STX8: variants seen among roughly 807,000 people sequenced by gnomAD.
STX8 encodes the protein syntaxin-8.
STX8 carries 23 observed loss-of-function variants against 37.5 expected under a neutral mutation model. That is an observed-to-expected ratio of 0.61 (90% CI 0.44 to 0.87). The LOEUF is 0.87. Ranked by LOEUF, STX8 falls within the 40% of genes least tolerant of loss-of-function variation. STX8 has a pLI of 0.00. For missense variants in STX8, 313 were observed against 284.7 expected, an observed-to-expected ratio of 1.10 and a Z score of -0.71; for synonymous variants, 115 against 99.1, an observed-to-expected ratio of 1.16 and a Z score of -0.95.
intron 7 of STX8, among the ~76,000 whole-genome samples, chr17:9,255,139 TG>T (rs1199861641): frequency 3.3e-5 from 5 of 152,074 alleles, no homozygotes. Flanking sequence ...ATTAATACAG[TG>T]GTGGCTAAGC....
intron 3 of STX8, among the ~76,000 whole-genome samples, chr17:9,546,779 G>C (rs1236991172): frequency 1.3e-5 from 2 of 149,844 alleles, no homozygotes; most frequent in African/African-American, 4.9e-5. Flanking sequence ...TTGTATTTTT[G>C]GTAGAGACAG....
chr17:9,376,429 C>T lies in STX8; in HGVS notation c.643+2123G>A, dbSNP rs370923838. On this transcript the variant is annotated intron_variant, in intron 7 of 7. Transcript: ENST00000306357. ...CTGTAAAAATAGACCAATCAGCACT[C>T]TGTAAAATGGACCAATCAGCACTCT... is the stretch of plus-strand genomic sequence containing the variant. Among the ~76,000 whole-genome samples, 4 of 141,908 alleles carry T rather than the reference C, an allele frequency of 2.8e-5. No individual in the cohort carries two copies. In the East Asian group the frequency reaches 7.7e-4, roughly 27 times the overall value. 93.1% of individuals were successfully genotyped at this position (141,908 alleles called of 152,430 possible). A position where few individuals can be genotyped will look rare whatever the true frequency, so the allele number is the denominator to read the frequency against.
At chr17:9,446,026 C>T (rs760327661) in intron 6 of STX8, among the ~76,000 whole-genome samples, 14 of 151,838 alleles carry the variant, frequency 9.2e-5, no homozygotes, top group Admixed American at 3.3e-4. Context: ...TTAGTAGAGA[C>T]GGGGTTTCAC....
chr17:9,425,553 G>A (rs146504992), intron 6 of STX8, among the ~76,000 whole-genome samples: 350 of 152,148 alleles, frequency 2.3e-3, no homozygotes, highest in African/African-American at 8.0e-3. Flanking sequence ...AGCACGACAC[G>A]GACTTTAAAT....
intron 7 of STX8, among the ~76,000 whole-genome samples, chr17:9,370,663 T>C (rs1911374764): frequency 6.6e-6 from 1 of 152,120 alleles, no homozygotes; most frequent in African/African-American, 2.4e-5. Context: ...TACGTAATAG[T>C]CAATATGCTG....
chr17:9,524,174 G>A (rs1905469206), intron 4 of STX8, among the ~76,000 whole-genome samples: 1 of 152,178 alleles, frequency 6.6e-6, no homozygotes, highest in South Asian at 2.1e-4. Flanking sequence ...GATTCAAGAA[G>A]ATACACAAGG....
chr17:9,314,109 T>C lies in STX8; in HGVS notation c.644-63464A>G, dbSNP rs532933195. 7.9e-5 allele frequency among the ~76,000 whole-genome samples: 12 copies of C among 152,354 alleles called. No individual in the cohort carries two copies. In the South Asian group the frequency reaches 2.5e-3, roughly 32 times the overall value. ...TTCTAAGGCAGTGTATATGATCTAC[T>C]GACTTCTGTATTTTTTTCCCAGCAA... is the stretch of plus-strand genomic sequence containing the variant. On this transcript the variant is annotated intron_variant, in intron 7 of 7. Coordinates refer to ENST00000306357, the MANE Select transcript of STX8 (RefSeq NM_004853.3).
chr17:9,526,666 T>C (rs945411490), intron 4 of STX8, among the ~76,000 whole-genome samples: 3 of 152,046 alleles, frequency 2.0e-5, no homozygotes, highest in African/African-American at 7.2e-5. Flanking sequence ...GGTCAGGAAA[T>C]CAAGAACAGC....
chr17:9,365,738 C>T (rs1266386325), intron 7 of STX8, among the ~76,000 whole-genome samples: 1 of 152,212 alleles, frequency 6.6e-6, no homozygotes, highest in Non-Finnish European at 1.5e-5. Context: ...CTTCGGGAGG[C>T]CGAGGTGGGC....
chr17:9,328,859 G>A (rs558321067), intron 7 of STX8, among the ~76,000 whole-genome samples: 234 of 152,050 alleles, frequency 1.5e-3, no homozygotes, highest in Middle Eastern at 3.4e-3. Context: ...AGACCAGCCT[G>A]GCCAACATGG....
intron 7 of STX8, among the ~76,000 whole-genome samples, chr17:9,318,098 A>G (rs183372434): frequency 4.2e-4 from 64 of 152,354 alleles, no homozygotes; most frequent in Non-Finnish European, 6.8e-4. Flanking sequence ...AAGCAAATAG[A>G]AAAACTGACT....
chr17:9,377,875 A>G (rs918015682), intron 7 of STX8: 1 of 152,258 alleles, frequency 6.6e-6, no homozygotes, highest in Non-Finnish European at 1.5e-5. Flanking sequence ...ATCATTTATC[A>G]TCACGTACCT....
At chr17:9,523,856 T>G (rs530343139) in intron 4 of STX8, among the ~76,000 whole-genome samples, 1 of 152,208 alleles carries the variant, frequency 6.6e-6, no homozygotes, top group Non-Finnish European at 1.5e-5. Flanking sequence ...GCAGCTGATA[T>G]ACAAAAATCC....
intron 4 of STX8, among the ~76,000 whole-genome samples, chr17:9,526,428 C>T (rs1182165170): frequency 1.3e-5 from 2 of 152,142 alleles, no homozygotes; most frequent in African/African-American, 4.8e-5. Context: ...GTCCTGGAAC[C>T]AACACTCATG....
At chr17:9,528,042 A>G (rs531923668) in intron 4 of STX8, among the ~76,000 whole-genome samples, 42 of 152,376 alleles carry the variant, frequency 2.8e-4, no homozygotes, top group African/African-American at 9.9e-4. Flanking sequence ...TGTCAGACAC[A>G]TCAACTTGGA....
In STX8 at chr17:9,545,289, A is replaced by G; in HGVS notation, c.213-7T>C. 6.2e-7 allele frequency: 1 copy of G among 1,600,688 alleles called. No homozygotes were observed. ...GTCCCCTTCAAGCTGTGTTCTGCAGATATCTTGTTAAGGTTCAATGGTGAA... is the reference window on the plus strand; with the variant it reads ...GTCCCCTTCAAGCTGTGTTCTGCAGGTATCTTGTTAAGGTTCAATGGTGAA... On this transcript the variant is annotated splice_polypyrimidine_tract_variant and splice_region_variant and intron_variant, in intron 3 of 7. Transcript: ENST00000306357.
chr17:9,258,943 G>T (rs919652520), intron 7 of STX8, among the ~76,000 whole-genome samples: 1 of 152,220 alleles, frequency 6.6e-6, no homozygotes, highest in Non-Finnish European at 1.5e-5. Context: ...CAGCCAGCTT[G>T]TCCTGGAATC....
rs114553922 is a variant in STX8 at position 9,310,207 on chromosome 17, C to T, written c.644-59562G>A. ...AACAGGCACCCTGATAACCAAAATC[C>T]TAATAAGAGAACTTCGTGGTGGAGA... is the stretch of plus-strand genomic sequence containing the variant. On this transcript the variant is annotated intron_variant, in intron 7 of 7. Coordinates refer to ENST00000306357, the MANE Select transcript of STX8 (RefSeq NM_004853.3). Among the ~76,000 whole-genome samples, 974 of 152,180 alleles carry T rather than the reference C, an allele frequency of 6.4e-3. 15 individuals are homozygous for T. Among genetic ancestry groups the T allele is most frequent in the African/African-American group, 0.022 (907 of 41,508 alleles).
At position 9,507,755 on chromosome 17, in the gene STX8, GCCA is replaced by G. The variant is rs1013119196; in HGVS notation, c.324-2596_324-2594del. On this transcript the variant is annotated intron_variant, in intron 4 of 7. Coordinates refer to ENST00000306357, the MANE Select transcript of STX8 (RefSeq NM_004853.3). This position sits in a 1 kb window ranked among gnomAD's most constrained non-coding sequence, Gnocchi z 4.0. ...GTGAACACATCCCTGGCAAAGTCAT[GCCA>G]CCACCACCACAAAGCCTCTCAGCTG... Among the ~76,000 whole-genome samples the G allele has an allele frequency of 1.3e-5, 2 of 152,138 alleles. No individual in the cohort carries two copies. The highest frequency in any genetic ancestry group is 4.8e-5 in the African/African-American group (2 of 41,436).
Sources: gnomAD v4.1 joint callset for allele counts (sites outside exome capture counted in the v4.1 genomes callset) on GRCh38, gnomAD v4.1.1 for gene constraint, Gnocchi (gnomAD v3.1) non-coding constraint, MANE v1.5 for transcripts, NCBI Gene and HGNC (gene_info 2026-07-23, HGNC 2026-07-21) for gene names.